Variants in RELN observed in about 807,000 individuals in gnomAD.
The protein encoded by RELN is reelin.
Under a neutral mutation model 427.6 loss-of-function variants are expected in RELN, and 108 were observed. The observed-to-expected ratio is 0.25, with a 90% CI of 0.22 to 0.30. RELN has a LOEUF of 0.30. Among genes scored for constraint, RELN ranks in the 10% least tolerant of loss-of-function variants. The pLI, the probability that RELN is intolerant of heterozygous loss-of-function variation, is 1.00. For missense variants in RELN, 3,715 were observed against 4,302.8 expected (o/e 0.86, Z 3.82); for synonymous variants, 1,524 against 1,513.4 (o/e 1.01, Z -0.16).
In RELN at chr7:103,566,620, T is replaced by C. The variant is rs751174808; in HGVS notation, c.4728A>G (p.Arg1576=). Residue 1576 remains arginine (R), a synonymous_variant, in exon 32 of 65, where the codon CGA becomes CGG. Transcript: ENST00000428762. The stretch of plus-strand genomic sequence containing the variant: ...ACTTACCATGTTGCGGTTGCCACCA[T>C]CGAAATGCCGTTGCAGGTGTCTTCG... ...QDAKTPATAF[R]WWQPQHGKHS... is the part of the protein sequence containing the mutation. 5.6e-6 allele frequency: 9 copies of C among 1,614,180 alleles called. No homozygotes were observed. Among genetic ancestry groups the C allele is most frequent in the Non-Finnish European group, 7.6e-6 (9 of 1,180,022 alleles).
At chr7:103,677,408 A>T (rs1342958377) in intron 11 of RELN, among the ~76,000 whole-genome samples, 3 of 29,134 alleles carry the variant, frequency 1.0e-4, no homozygotes, top group African/African-American at 4.7e-4. Context: ...CTTAAAGTAT[A>T]ATAATAATAA....
At chr7:103,716,506 A>C (rs996522752) in intron 8 of RELN, among the ~76,000 whole-genome samples, 6 of 152,202 alleles carry the variant, frequency 3.9e-5, no homozygotes, top group African/African-American at 1.4e-4. Context: ...AAGAAACTGG[A>C]AACTGCAGGC....
intron 53 of RELN, 148 bp downstream of exon 53, chr7:103,500,595 CAT>C: frequency 1.4e-6 from 1 of 708,590 alleles, no homozygotes; most frequent in South Asian, 1.9e-5. Flanking sequence ...ACTTAGGAAA[CAT>C]AAGACATTTT....
chr7:103,675,917 C>A (rs927523017), intron 11 of RELN, among the ~76,000 whole-genome samples: 3 of 152,106 alleles, frequency 2.0e-5, no homozygotes, highest in African/African-American at 7.2e-5. Flanking sequence ...ACATGTTAGA[C>A]CTAAAACCAT....
intron 2 of RELN, among the ~76,000 whole-genome samples, chr7:103,856,325 C>A (rs1024354284): frequency 1.3e-5 from 2 of 151,820 alleles, no homozygotes; most frequent in Admixed American, 6.6e-5. Flanking sequence ...CACCTGTAAT[C>A]CCAGCACTTT....
intron 63 of RELN, chr7:103,482,661 G>C: frequency 1.7e-6 from 1 of 588,146 alleles, no homozygotes; most frequent in Non-Finnish European, 2.1e-6. Flanking sequence ...GCTTATGGAA[G>C]TTTTCTAAGG....
intron 8 of RELN, among the ~76,000 whole-genome samples, chr7:103,706,795 C>A (rs1240765958): frequency 1.3e-5 from 2 of 152,014 alleles, no homozygotes; most frequent in African/African-American, 4.8e-5. Context: ...AAACCTTTAA[C>A]CCCCCTGCTA....
intron 7 of RELN, among the ~76,000 whole-genome samples, chr7:103,724,994 G>A (rs548413769): frequency 6.6e-6 from 1 of 151,972 alleles, no homozygotes; most frequent in South Asian, 2.1e-4. Context: ...GAAAACAAAA[G>A]GGGCCCTTAA....
intron 46 of RELN, among the ~76,000 whole-genome samples, chr7:103,534,688 C>T (rs1830012145): frequency 6.6e-6 from 1 of 151,892 alleles, no homozygotes; most frequent in Non-Finnish European, 1.5e-5. Context: ...TGGGGTCTCG[C>T]TGTTGTTTCC....
chr7:103,716,459 ATCT>A (rs10562840), intron 8 of RELN, among the ~76,000 whole-genome samples: 30,500 of 152,072 alleles, frequency 0.2, 3,657 homozygotes, highest in South Asian at 0.37. Context: ...GAGCTTAAAG[ATCT>A]TCTCTTTGAC....
intron 20 of RELN, among the ~76,000 whole-genome samples, chr7:103,613,793 GC>G (rs1832019696): frequency 6.6e-6 from 1 of 152,180 alleles, no homozygotes; most frequent in Admixed American, 6.5e-5. Context: ...AAATGACAGA[GC>G]CAACAATGCT....
rs17153920 is a variant in RELN, at chr7:103,639,083, A to G, written c.2069+1460T>C. Among the ~76,000 whole-genome samples the G allele has an allele frequency of 4.4e-3, 675 of 152,306 alleles. 15 individuals are homozygous for G. Among genetic ancestry groups the G allele is most frequent in the Admixed American group, 0.041 (624 of 15,298 alleles). On this transcript the variant is annotated intron_variant, in intron 17 of 64. Transcript: ENST00000428762. ...ATTTTATTTGAAATACACTAAGAAG[A>G]TGGTCTGATTATGGATAATGGATGC...
intron 25 of RELN, among the ~76,000 whole-genome samples, chr7:103,595,629 T>C (rs868079348): frequency 6.6e-6 from 1 of 152,070 alleles, no homozygotes; most frequent in Non-Finnish European, 1.5e-5. Context: ...AATAAACAAG[T>C]CTCATTTGTA....
At chr7:103,938,347 A>G (rs1796032977) in intron 1 of RELN, among the ~76,000 whole-genome samples, 1 of 152,308 alleles carries the variant, frequency 6.6e-6, no homozygotes, top group South Asian at 2.1e-4. Flanking sequence ...GGCTTCCTAT[A>G]TTGTGTCTCC....
intron 6 of RELN, among the ~76,000 whole-genome samples, chr7:103,734,402 A>G (rs1033504314): frequency 1.3e-5 from 2 of 152,170 alleles, no homozygotes; most frequent in African/African-American, 4.8e-5. Flanking sequence ...ATTTCCCAAT[A>G]TGAAAAACAG....
rs55900523 is a variant in RELN, at chr7:103,515,504, A to AAGG, written c.7863-64_7863-63insCCT. 3.1e-4 allele frequency: 489 copies of AAGG among 1,587,272 alleles called. 4 individuals are homozygous for AAGG. In the African/African-American group the frequency reaches 6.0e-3, roughly 19 times the overall value. On this transcript the variant is annotated intron_variant, in intron 49 of 64. Coordinates refer to ENST00000428762, the MANE Select transcript of RELN (RefSeq NM_005045.4). ...CCTTGTCAAATATCTTCTCTGAGTA[A>AAGG]AAGATTTACAACCAGCCATAAGATA... is the stretch of plus-strand genomic sequence containing the variant.
intron 11 of RELN, among the ~76,000 whole-genome samples, chr7:103,662,877 C>A (rs1833175540): frequency 6.6e-6 from 1 of 152,140 alleles, no homozygotes; most frequent in Non-Finnish European, 1.5e-5. Flanking sequence ...CCATTGCTAT[C>A]TGGACAAATT....
chr7:103,532,612 T>C (rs1269601404), intron 46 of RELN, among the ~76,000 whole-genome samples: 1 of 152,154 alleles, frequency 6.6e-6, no homozygotes, highest in Admixed American at 6.6e-5. Context: ...CACCATCTCA[T>C]ACCTCACCTT....
chr7:103,601,164 A>G (rs1312865579), intron 24 of RELN, among the ~76,000 whole-genome samples: 1 of 152,054 alleles, frequency 6.6e-6, no homozygotes, highest in Non-Finnish European at 1.5e-5. Context: ...GTGTCTGAGT[A>G]CATACTGGTA....
Sources: gnomAD v4.1 joint callset for allele counts (sites outside exome capture counted in the v4.1 genomes callset) on GRCh38, gnomAD v4.1.1 for gene constraint, MANE v1.5 for transcripts, NCBI Gene and HGNC (gene_info 2026-07-23, HGNC 2026-07-21) for gene names.